PASK: variants seen among roughly 807,000 people sequenced by gnomAD.
The protein encoded by PASK is PAS domain containing serine/threonine kinase, also known as PAS domain-containing serine/threonine-protein kinase.
Under a neutral mutation model 121.0 loss-of-function variants are expected in PASK, and 110 were observed. The ratio of observed to expected loss-of-function variants is 0.91; its 90% confidence interval spans 0.78 to 1.06. The LOEUF is 1.06. Among genes scored for constraint, PASK ranks in the 50% least tolerant of loss-of-function variants. The pLI is 0.00. For missense variants in PASK, 1,643 were observed against 1,702.3 expected, an observed-to-expected ratio of 0.97 and a Z score of 0.61; for synonymous variants, 686 against 717.8, an observed-to-expected ratio of 0.96 and a Z score of 0.71.
upstream of PASK, chr2:241,150,322 C>G (rs548086552): frequency 1.8e-5 from 24 of 1,326,118 alleles, no homozygotes; most frequent in South Asian, 4.4e-5. Flanking sequence ...GGAGGCGCGG[C>G]GCGCGGCCTC....
In PASK at chr2:241,122,838, G is replaced by A. The variant is rs147512351; in HGVS notation, c.2966C>T (p.Ala989Val). Residue 989 changes from alanine to valine, a missense_variant, in exon 12 of 18, where the codon GCG (alanine) becomes GTG (valine). This residue lies in a region of PASK where 453 missense variants were observed against 511.2 expected (regional missense o/e 0.89). Coordinates refer to ENST00000234040, the MANE Select transcript of PASK (RefSeq NM_015148.4). ...TTGGGAGTACTCGCCCTCACAGGCC[G>A]CCAACCCCTCCAGTTCCACAGCCTT... ...PPKAVELEGL[A>V]ACEGEYSQKY... is the part of the protein sequence containing the mutation. 52 of 1,613,982 alleles carry A rather than the reference G, an allele frequency of 3.2e-5. No individual in the cohort carries two copies. The highest frequency in any genetic ancestry group is 2.9e-4 in the African/African-American group (22 of 74,952).
At position 241,106,679 on chromosome 2, in the gene PASK, T is replaced by C. The variant is rs984413329; in HGVS notation, c.3859A>G (p.Ser1287Gly). ...TGAGCCTGGGCCACATCACTCAGGC[T>C]CCTGTTCCCCATCTCCAGGCTCGCA... ...SAASLEMGNR[S>G]LSDVAQAQEL... The change falls in exon 18 of 18, where the codon AGC (serine) becomes GGC (glycine). Residue 1287 changes from serine to glycine, a missense_variant. Coordinates refer to ENST00000234040, the MANE Select transcript of PASK (RefSeq NM_015148.4). 2.5e-6 allele frequency: 4 copies of C among 1,614,108 alleles called. No individual in the cohort carries two copies. The highest frequency in any genetic ancestry group is 3.4e-6 in the Non-Finnish European group (4 of 1,180,034).
intron 9 of PASK, chr2:241,127,845 G>A (rs755838874): frequency 1.7e-5 from 6 of 345,950 alleles, no homozygotes; most frequent in Admixed American, 4.1e-5. Context: ...ACGAGAGAGA[G>A]ATTGGAGAGT....
At chr2:241,117,342 G>C (rs1287273925) in intron 12 of PASK, among the ~76,000 whole-genome samples, 1 of 152,200 alleles carries the variant, frequency 6.6e-6, no homozygotes, top group African/African-American at 2.4e-5. Flanking sequence ...CTGTGGTCCT[G>C]AGGAGCAAAA....
Position 241,126,229 on chromosome 2 carries a change from C to G in PASK, c.2686G>C (p.Gly896Arg). Residue 896 changes from glycine (G) to arginine (R), a missense_variant, in exon 10 of 18, where the codon GGG (glycine) becomes CGG (arginine). Transcript: ENST00000234040. ...QREIQEGAYS[G>R]SCYHRDGLRL... ...AAGCCATCTCGATGGTAGCAGCTCC[C>G]GGAGTAGGCACCCTCCTGGATCTCC... The G allele has an allele frequency of 6.2e-7, 1 of 1,614,044 alleles. No individual in the cohort carries two copies. The highest frequency in any genetic ancestry group is 8.5e-7 in the Non-Finnish European group (1 of 1,180,012).
At chr2:241,149,949 C>T, upstream of PASK, 1 of 1,426,384 alleles carries the variant, frequency 7.0e-7, no homozygotes, top group Non-Finnish European at 9.1e-7. Flanking sequence ...GAGAAGGCGG[C>T]ATTTCGCATG....
intron 9 of PASK, among the ~76,000 whole-genome samples, chr2:241,132,117 A>T (rs2066172117): frequency 6.6e-6 from 1 of 152,032 alleles, no homozygotes; most frequent in South Asian, 2.1e-4. Context: ...CACACGTGCT[A>T]TGTACAATAC....
At position 241,129,779 on chromosome 2, in the gene PASK, G is replaced by A. The variant is rs532208963; in HGVS notation, c.1464-2328C>T. On this transcript the variant is annotated intron_variant, in intron 9 of 17. Transcript: ENST00000234040. ...CAGGGCATGAAGGATGTGATCTGCC[G>A]ACTGCACACAGGCCTTGAGCTGCTG... is the stretch of plus-strand genomic sequence containing the variant. 1.6e-4 allele frequency among the ~76,000 whole-genome samples: 25 copies of A among 152,330 alleles called. 1 individual carries two copies. The highest frequency in any genetic ancestry group is 3.4e-3 in the Middle Eastern group (1 of 294).
intron 12 of PASK, 62 bp from the exon 13 acceptor site, chr2:241,115,475 C>G: frequency 1.9e-6 from 3 of 1,592,186 alleles, no homozygotes; most frequent in Non-Finnish European, 2.6e-6. Flanking sequence ...TCCCATTGCA[C>G]CAGGGCCACC....
Position 241,123,220 on chromosome 2 carries a change from G to A in PASK, c.2905-321C>T, listed in dbSNP as rs796413705. Among the ~76,000 whole-genome samples the A allele has an allele frequency of 4.4e-4, 65 of 149,236 alleles. 1 individual carries two copies. Among genetic ancestry groups the A allele is most frequent in the African/African-American group, 1.4e-3 (56 of 40,222 alleles). Reference sequence around the variant, plus strand: ...AGACGGAGTCTGGCTCTGTCGCCCAGGCTGGAGTGCAGTGGCGCAATCTCG... The same window carrying A: ...AGACGGAGTCTGGCTCTGTCGCCCAAGCTGGAGTGCAGTGGCGCAATCTCG... On this transcript the variant is annotated intron_variant, in intron 11 of 17. Transcript: ENST00000234040.
At chr2:241,139,736 G>A (rs1320213802) in intron 4 of PASK, 149 bp downstream of exon 4, 8 of 780,256 alleles carry the variant, frequency 1.0e-5, no homozygotes, top group South Asian at 2.9e-5. Context: ...GGGAAACGGC[G>A]CCTGGGATGA....
rs752038023 is a variant in PASK, at chr2:241,122,758, C to T, written c.3046G>A (p.Ala1016Thr). ...TCCTTGTTTTTTTCCTTGTCCACAG[C>T]AGTCCACACGAAGCCGAAGGCCCCA... ...GSGAFGFVWT[A>T]VDKEKNKEVV... Residue 1016 changes from alanine to threonine, a missense_variant, in exon 12 of 18, where the codon GCT becomes ACT. Physicochemically the swap from Ala to Thr is moderately conservative, Grantham distance 58. Transcript: ENST00000234040. 1.9e-6 allele frequency: 3 copies of T among 1,614,066 alleles called. No homozygotes were observed. The highest frequency in any genetic ancestry group is 2.2e-5 in the East Asian group (1 of 44,896).
intron 2 of PASK, 72 bp downstream of exon 2, chr2:241,142,765 C>G (rs1179991451): frequency 8.4e-7 from 1 of 1,184,956 alleles, no homozygotes; most frequent in Non-Finnish European, 1.2e-6. Flanking sequence ...GAGAGGGTTT[C>G]CATGAGAACA....
upstream of PASK, chr2:241,149,882 G>A (rs1450944095): frequency 7.6e-6 from 11 of 1,447,740 alleles, no homozygotes; most frequent in Non-Finnish European, 9.0e-6. Context: ...CAGCCAGCTG[G>A]CTAGCGGCCC....
At chr2:241,107,251 G>A in intron 17 of PASK, 102 bp downstream of exon 17, 1 of 1,008,514 alleles carries the variant, frequency 9.9e-7, no homozygotes, top group Admixed American at 1.7e-5. Flanking sequence ...CAGCATGGGG[G>A]AGAGAGCCTC....
At chr2:241,127,571 GA>G (rs1420368173) in intron 9 of PASK, 120 bp from the exon 10 acceptor site, 2 of 829,076 alleles carry the variant, frequency 2.4e-6, no homozygotes, top group Non-Finnish European at 4.0e-6. Flanking sequence ...TTTATAACAA[GA>G]AAAAGACCAA....
chr2:241,110,543 C>G (rs1167196661), intron 15 of PASK, among the ~76,000 whole-genome samples: 2 of 152,238 alleles, frequency 1.3e-5, no homozygotes, highest in Non-Finnish European at 2.9e-5. Flanking sequence ...GGAGGCAGGG[C>G]AGAGCCCTGG....
Position 241,127,067 on chromosome 2 carries a change from T to C in PASK, c.1848A>G (p.Glu616=). ...CCTGGCTTCGCCACCACAAGCCCCA[T>C]TCACTCCCATAGCAAGGGCAGTGCA... is the stretch of plus-strand genomic sequence containing the variant. ...LLMHCPCYGS[E]WGLWWRSQDL... The change falls in exon 10 of 18, where the codon GAA becomes GAG. Residue 616 remains glutamate, a synonymous_variant. Coordinates refer to ENST00000234040, the MANE Select transcript of PASK (RefSeq NM_015148.4). 2.5e-6 allele frequency: 4 copies of C among 1,614,080 alleles called. No homozygotes were observed. The highest frequency in any genetic ancestry group is 3.4e-6 in the Non-Finnish European group (4 of 1,180,022).
rs772921977 is a variant in PASK at position 241,108,352 on chromosome 2, C to G, written c.3534-52G>C. On this transcript the variant is annotated intron_variant, in intron 15 of 17. Coordinates refer to ENST00000234040, the MANE Select transcript of PASK (RefSeq NM_015148.4). The surrounding 1 kb of genome is among the most constrained non-coding windows in gnomAD (Gnocchi z 5.2). ...GCCACGGCACTCAGCGCAGGCTTGCCAAGCCCGCCCATGGGAAGCACCATG... is the reference window on the plus strand; with the variant it reads ...GCCACGGCACTCAGCGCAGGCTTGCGAAGCCCGCCCATGGGAAGCACCATG... 6 of 1,600,384 alleles carry G rather than the reference C, an allele frequency of 3.7e-6. No homozygotes were observed. Among genetic ancestry groups the G allele is most frequent in the Non-Finnish European group, 1.7e-6 (2 of 1,172,142 alleles).
Sources: gnomAD v4.1 joint callset for allele counts (sites outside exome capture counted in the v4.1 genomes callset) on GRCh38, gnomAD v4.1.1 for gene constraint, gnomAD v4.1.1 regional missense constraint, Gnocchi (gnomAD v3.1) non-coding constraint, MANE v1.5 for transcripts, NCBI Gene and HGNC (gene_info 2026-07-23, HGNC 2026-07-21) for gene names.